The following WDFY2 variants were observed in gnomAD, a reference collection of about 807,000 sequenced individuals.
The protein encoded by WDFY2 is WD repeat and FYVE domain containing 2, also known as WD repeat and FYVE domain-containing protein 2.
A neutral mutation model predicts 56.4 loss-of-function variants in WDFY2; 36 were observed. The ratio of observed to expected loss-of-function variants is 0.64; its 90% CI spans 0.49 to 0.84. The LOEUF is 0.84. WDFY2 is among the 40% of genes least tolerant of loss of function. WDFY2 has a pLI of 0.00. For synonymous variants in WDFY2, 176 were observed against 183.7 expected, an observed-to-expected ratio of 0.96 and a Z score of 0.34; for missense variants, 444 against 512.2, an observed-to-expected ratio of 0.87 and a Z score of 1.29.
intron 6 of WDFY2, among the ~76,000 whole-genome samples, chr13:51,728,789 C>T (rs2138658146): frequency 6.6e-6 from 1 of 152,258 alleles, no homozygotes; most frequent in Middle Eastern, 3.4e-3. Context: ...ATGGATAGGA[C>T]CCTGGTCTTC....
chr13:51,663,099 C>G (rs960191870), intron 2 of WDFY2, among the ~76,000 whole-genome samples: 16 of 152,074 alleles, frequency 1.1e-4, no homozygotes, highest in African/African-American at 2.9e-4. Flanking sequence ...GAGTTCAAGA[C>G]CAGCCTGGAC....
chr13:51,673,574 A>G (rs533112459), intron 2 of WDFY2, among the ~76,000 whole-genome samples: 8 of 152,244 alleles, frequency 5.3e-5, no homozygotes, highest in South Asian at 2.1e-4. Flanking sequence ...ACTTTACACA[A>G]TTGTAATCAC....
intron 8 of WDFY2, among the ~76,000 whole-genome samples, chr13:51,754,043 A>G (rs571598495): frequency 6.6e-6 from 1 of 151,596 alleles, no homozygotes; most frequent in Admixed American, 6.6e-5. Flanking sequence ...CAGTGAGCCA[A>G]GATCGCACCA....
At chr13:51,718,556 T>A (rs1271781386) in intron 4 of WDFY2, among the ~76,000 whole-genome samples, 2 of 99,892 alleles carry the variant, frequency 2.0e-5, no homozygotes, top group Admixed American at 1.1e-4. Context: ...TTATTATCAT[T>A]CATACACACA....
intron 7 of WDFY2, among the ~76,000 whole-genome samples, chr13:51,740,309 A>G (rs1372484826): frequency 6.6e-6 from 1 of 152,220 alleles, no homozygotes; most frequent in Non-Finnish European, 1.5e-5. Context: ...GGCCACTCAG[A>G]CCTTGTCATC....
chr13:51,697,648 A>T (rs1951903464), intron 3 of WDFY2, among the ~76,000 whole-genome samples: 1 of 151,868 alleles, frequency 6.6e-6, no homozygotes, highest in African/African-American at 2.4e-5. Context: ...AAAAAAAAAA[A>T]TGAAATGTAA....
chr13:51,665,512 A>G (rs1955684828), intron 2 of WDFY2, among the ~76,000 whole-genome samples: 1 of 152,188 alleles, frequency 6.6e-6, no homozygotes, highest in African/African-American at 2.4e-5. Context: ...TGGTTGATTT[A>G]TTTCATATTT....
intron 1 of WDFY2, among the ~76,000 whole-genome samples, chr13:51,633,426 T>C (rs898256811): frequency 1.3e-5 from 2 of 152,260 alleles, no homozygotes; most frequent in Admixed American, 1.3e-4. Context: ...TACTCGTGTG[T>C]ATAATAATAT....
intron 3 of WDFY2, among the ~76,000 whole-genome samples, chr13:51,675,665 GTTCT>G (rs1285718403): frequency 6.6e-6 from 1 of 152,136 alleles, no homozygotes; most frequent in Non-Finnish European, 1.5e-5. Flanking sequence ...GATACTCTGT[GTTCT>G]TTCTTTGTTC....
At chr13:51,669,048 T>C (rs1164732158) in intron 2 of WDFY2, among the ~76,000 whole-genome samples, 6 of 152,204 alleles carry the variant, frequency 3.9e-5, no homozygotes, top group African/African-American at 1.4e-4. Context: ...ATACCAATTT[T>C]GAGATAGAAG....
chr13:51,662,493 A>G (rs1472861008), intron 2 of WDFY2, among the ~76,000 whole-genome samples: 1 of 152,182 alleles, frequency 6.6e-6, no homozygotes, highest in Non-Finnish European at 1.5e-5. Flanking sequence ...TTGAGATAAG[A>G]TGAGCGTTAA....
At chr13:51,714,880 T>C (rs1222430473) in intron 4 of WDFY2, among the ~76,000 whole-genome samples, 1 of 152,238 alleles carries the variant, frequency 6.6e-6, no homozygotes, top group African/African-American at 2.4e-5. Context: ...CTAGAGGGTA[T>C]AGCCTGTTGC....
At chr13:51,656,958 A>T (rs1955519943) in intron 1 of WDFY2, among the ~76,000 whole-genome samples, 1 of 152,010 alleles carries the variant, frequency 6.6e-6, no homozygotes, top group African/African-American at 2.4e-5. Flanking sequence ...TGTGAGTTTA[A>T]TCCATTTATA....
chr13:51,592,286 T>C (rs576724427), intron 1 of WDFY2: 33 of 152,300 alleles, frequency 2.2e-4, no homozygotes, highest in African/African-American at 7.2e-4. Flanking sequence ...ATCTAAATTA[T>C]GAATGTTGCC....
At chr13:51,611,218 T>C (rs566875448) in intron 1 of WDFY2, among the ~76,000 whole-genome samples, 14 of 152,332 alleles carry the variant, frequency 9.2e-5, no homozygotes, top group African/African-American at 2.6e-4. Context: ...TCAGAAAATA[T>C]TTGTTGAATG....
chr13:51,753,808 G>A (rs879923594), intron 8 of WDFY2, among the ~76,000 whole-genome samples: 8 of 151,964 alleles, frequency 5.3e-5, no homozygotes, highest in South Asian at 2.1e-4. Context: ...TAACTCAGCC[G>A]GGCACGGTGG....
At chr13:51,624,650 A>C (rs528405344) in intron 1 of WDFY2, among the ~76,000 whole-genome samples, 2 of 152,340 alleles carry the variant, frequency 1.3e-5, no homozygotes, top group African/African-American at 4.8e-5. Flanking sequence ...TGTGGACACA[A>C]ATACAGATCG....
intron 1 of WDFY2, among the ~76,000 whole-genome samples, chr13:51,601,522 G>T (rs923495083): frequency 6.6e-6 from 1 of 151,476 alleles, no homozygotes; most frequent in Non-Finnish European, 1.5e-5. Context: ...TCAAGCGATT[G>T]TCCTGCCTCA....
At chr13:51,635,135 G>T (rs1455967722) in intron 1 of WDFY2, among the ~76,000 whole-genome samples, 1 of 151,948 alleles carries the variant, frequency 6.6e-6, no homozygotes, top group Non-Finnish European at 1.5e-5. Flanking sequence ...GTAGAGACAG[G>T]GTTTCACCAT....
Sources: gnomAD v4.1 joint callset for allele counts (sites outside exome capture counted in the v4.1 genomes callset) on GRCh38, gnomAD v4.1.1 for gene constraint, MANE v1.5 for transcripts, NCBI Gene and HGNC (gene_info 2026-07-23, HGNC 2026-07-21) for gene names.